The following TTBK2 variants were observed in gnomAD, a reference collection of about 807,000 sequenced individuals.
TTBK2 encodes the protein tau-tubulin kinase 2.
Under a neutral mutation model 110.8 loss-of-function variants are expected in TTBK2, and 28 were observed. The observed-to-expected ratio is 0.25, with a 90% CI of 0.19 to 0.35. The LOEUF is 0.35. Ranked by LOEUF, TTBK2 falls within the 10% of genes least tolerant of loss-of-function variation. TTBK2 has a pLI of 1.00. For synonymous variants in TTBK2, 532 were observed against 527.3 expected (o/e 1.01, Z -0.12); for missense variants, 1,369 against 1,500.3 (o/e 0.91, Z 1.45).
intron 7 of TTBK2, among the ~76,000 whole-genome samples, chr15:42,814,490 T>C (rs556619492): frequency 3.3e-5 from 5 of 152,116 alleles, no homozygotes; most frequent in Admixed American, 1.3e-4. Context: ...AGTGAGAAGA[T>C]TGCTTGAGCC....
chr15:42,861,223 C>T (rs1487049216), intron 3 of TTBK2, among the ~76,000 whole-genome samples: 2 of 152,146 alleles, frequency 1.3e-5, no homozygotes, highest in Non-Finnish European at 2.9e-5. Flanking sequence ...CAAAGAAATT[C>T]TGGACTTAAA....
chr15:42,827,197 CAG>C (rs1302903138), intron 6 of TTBK2, among the ~76,000 whole-genome samples: 1 of 152,076 alleles, frequency 6.6e-6, no homozygotes, highest in African/African-American at 2.4e-5. Context: ...AGAGCAACAG[CAG>C]AGTCTTAATA....
chr15:42,793,839 A>T lies in TTBK2; in HGVS notation c.980+805T>A, dbSNP rs1452904854. Among the ~76,000 whole-genome samples, 4 of 143,820 alleles carry T rather than the reference A, an allele frequency of 2.8e-5. No individual in the cohort carries two copies. The East Asian group carries it at 7.9e-4, about 29-fold the overall frequency. The allele number at this position is 143,820 out of a possible 152,430, so 94.4% of individuals were successfully genotyped here. On this transcript the variant is annotated intron_variant, in intron 10 of 14. Coordinates refer to ENST00000267890, the MANE Select transcript of TTBK2 (RefSeq NM_173500.4). ...GCAACAAGAATGAAACTCCATGTTT[A>T]AAAAAAAAAAAAATAAAAGCAATGG...
chr15:42,833,784 C>A (rs1439314428), intron 4 of TTBK2, among the ~76,000 whole-genome samples: 3 of 151,946 alleles, frequency 2.0e-5, no homozygotes, highest in Admixed American at 2.0e-4. Context: ...CCAAGGCAGG[C>A]GGATCACGAG....
At chr15:42,811,529 C>T (rs1891719980) in intron 8 of TTBK2, among the ~76,000 whole-genome samples, 159 bp downstream of exon 8, 1 of 152,182 alleles carries the variant, frequency 6.6e-6, no homozygotes, top group South Asian at 2.1e-4. Flanking sequence ...AATTTGATCT[C>T]TAATGTCAGC....
chr15:42,868,862 A>AAAAT (rs138092138), intron 3 of TTBK2, among the ~76,000 whole-genome samples: 5,207 of 146,168 alleles, frequency 0.036, 101 homozygotes, highest in Middle Eastern at 0.052. Flanking sequence ...CCTTGTCTCA[A>AAAAT]AAATAAATAA....
intron 1 of TTBK2, among the ~76,000 whole-genome samples, chr15:42,895,642 A>G (rs1239607957): frequency 6.7e-6 from 1 of 150,224 alleles, no homozygotes; most frequent in Non-Finnish European, 1.5e-5. Context: ...GGTTCACGCC[A>G]TTCTCCTGCC....
intron 10 of TTBK2, 52 bp downstream of exon 10, chr15:42,794,592 A>T: frequency 2.5e-6 from 4 of 1,613,926 alleles, no homozygotes; most frequent in Non-Finnish European, 3.4e-6. Flanking sequence ...AAATTTTTGC[A>T]AATATAATAC....
At chr15:42,874,485 T>G (rs1894734878) in intron 2 of TTBK2, among the ~76,000 whole-genome samples, 1 of 151,342 alleles carries the variant, frequency 6.6e-6, no homozygotes, top group Non-Finnish European at 1.5e-5. Flanking sequence ...CTTGGCTAAT[T>G]TTTGTATTTT....
At chr15:42,763,196 T>A (rs868069015) in intron 13 of TTBK2, among the ~76,000 whole-genome samples, 328 of 5,720 alleles carry the variant, frequency 0.057, no homozygotes, top group East Asian at 0.07. Flanking sequence ...ATATATATTT[T>A]TTTTTTTTTT....
intron 3 of TTBK2, among the ~76,000 whole-genome samples, chr15:42,869,549 A>G (rs190511213): frequency 2.8e-4 from 43 of 152,268 alleles, no homozygotes; most frequent in Admixed American, 1.9e-3. Flanking sequence ...ACATTCATTT[A>G]AAGTTGAGGA....
chr15:42,838,556 C>T (rs2044061321), intron 4 of TTBK2, among the ~76,000 whole-genome samples: 1 of 152,146 alleles, frequency 6.6e-6, no homozygotes, highest in African/African-American at 2.4e-5. Flanking sequence ...TGGCTCACAC[C>T]TGTAATCCTA....
At chr15:42,766,528 G>T (rs1311169831) in intron 13 of TTBK2, among the ~76,000 whole-genome samples, 1 of 141,620 alleles carries the variant, frequency 7.1e-6, no homozygotes, top group Non-Finnish European at 1.5e-5. Context: ...GATCAAAACA[G>T]ACAAAGAAGG....
intron 10 of TTBK2, among the ~76,000 whole-genome samples, chr15:42,786,549 T>A (rs1890421788): frequency 6.6e-6 from 1 of 152,166 alleles, no homozygotes; most frequent in Non-Finnish European, 1.5e-5. Flanking sequence ...ACTATTCTGC[T>A]TTTTTTCCAA....
At chr15:42,887,990 T>C (rs1895312035) in intron 1 of TTBK2, among the ~76,000 whole-genome samples, 1 of 152,116 alleles carries the variant, frequency 6.6e-6, no homozygotes, top group Non-Finnish European at 1.5e-5. Context: ...TTCTATGAAA[T>C]AACAACTCCT....
intron 13 of TTBK2, among the ~76,000 whole-genome samples, chr15:42,763,084 T>TATATATATATATA (rs1567008356): frequency 2.7e-4 from 29 of 108,792 alleles, no homozygotes; most frequent in South Asian, 1.4e-3. Context: ...GTTAACAATT[T>TATATATATATATA]TATATATATA....
chr15:42,802,420 G>A (rs774299522), intron 9 of TTBK2: 8 of 731,158 alleles, frequency 1.1e-5, no homozygotes, highest in Middle Eastern at 5.6e-4. Context: ...GGAGGCAGGC[G>A]GGCCGAACCA....
chr15:42,810,529 T>C, intron 9 of TTBK2, 85 bp downstream of exon 9: 1 of 1,570,104 alleles, frequency 6.4e-7, no homozygotes, highest in East Asian at 2.3e-5. Flanking sequence ...CCCTACTCAT[T>C]TATAACACCT....
intron 1 of TTBK2, among the ~76,000 whole-genome samples, chr15:42,916,276 T>C (rs1040281451): frequency 6.6e-6 from 1 of 152,190 alleles, no homozygotes; most frequent in Non-Finnish European, 1.5e-5. Context: ...TGGTTATTCA[T>C]TTTTTCCTAT....
Sources: gnomAD v4.1 joint callset for allele counts (sites outside exome capture counted in the v4.1 genomes callset) on GRCh38, gnomAD v4.1.1 for gene constraint, MANE v1.5 for transcripts, NCBI Gene and HGNC (gene_info 2026-07-23, HGNC 2026-07-21) for gene names.